The following LPAR6 variants were observed in gnomAD, a reference collection of about 807,000 sequenced individuals.
LPAR6 encodes the protein G-protein coupled purinergic receptor P2Y5.
A neutral mutation model predicts 22.0 loss-of-function variants in LPAR6; 17 were observed. That is an observed-to-expected ratio of 0.77 (90% CI 0.53 to 1.16). The LOEUF (loss-of-function observed/expected upper bound fraction) is 1.16. Ranked by LOEUF, LPAR6 falls within the 50% of genes most tolerant of loss-of-function variation. The probability of loss-of-function intolerance (pLI) is 0.00; values close to 1 mark genes in which losing one functional copy is unlikely to be tolerated. For synonymous variants in LPAR6, 136 were observed against 139.8 expected, an observed-to-expected ratio of 0.97 and a Z score of 0.19; for missense variants, 384 against 406.9, an observed-to-expected ratio of 0.94 and a Z score of 0.48.
chr13:48,421,334 A>G (rs1394747126), intron 2 of LPAR6, among the ~76,000 whole-genome samples: 2 of 152,082 alleles, frequency 1.3e-5, no homozygotes, highest in Non-Finnish European at 2.9e-5. Context: ...CTGAAACTGG[A>G]CCCCTTTCTT....
downstream of LPAR6, among the ~76,000 whole-genome samples, chr13:48,409,093 G>A (rs945376313): frequency 4.0e-5 from 6 of 151,062 alleles, no homozygotes; most frequent in Non-Finnish European, 8.9e-5. Context: ...TTTCTCTTGG[G>A]ATATAAAGGA....
In LPAR6 at chr13:48,411,436, G is replaced by A. The variant is rs200554714; in HGVS notation, c.988C>T (p.Leu330=). 9 of 1,613,166 alleles carry A rather than the reference G, an allele frequency of 5.6e-6. No individual in the cohort carries two copies. In the South Asian group the frequency reaches 9.9e-5, roughly 18 times the overall value. The change falls in exon 1 of 1, where the codon CTA becomes TTA. Residue 330 remains leucine (L), a synonymous_variant. Coordinates refer to ENST00000620633, the MANE Select transcript of LPAR6 (RefSeq NM_001162498.3). ...HGAENFIQHN[L]QTLKSKIFDN... ...AATATCTTACTTTTTAAGGTCTGTA[G>A]GTTATGCTGAATAAAATTCTCTGCA...
upstream of LPAR6, among the ~76,000 whole-genome samples, chr13:48,415,335 A>G (rs1304128738): frequency 1.4e-5 from 2 of 147,788 alleles, no homozygotes; most frequent in East Asian, 4.0e-4. Context: ...GCTGGAGTGC[A>G]GTGGTGCGAT....
intron 1 of LPAR6, among the ~76,000 whole-genome samples, chr13:48,394,868 G>A (rs995451059): frequency 6.6e-6 from 1 of 152,230 alleles, no homozygotes; most frequent in Non-Finnish European, 1.5e-5. Context: ...GAGAGCAGCA[G>A]ATCTCCCAGC....
upstream of LPAR6, among the ~76,000 whole-genome samples, chr13:48,430,114 A>G (rs1470465410): frequency 3.3e-5 from 5 of 152,124 alleles, no homozygotes; most frequent in African/African-American, 1.2e-4. Flanking sequence ...CCACACCTTC[A>G]CCCAAACCAG....
At chr13:48,421,871 G>A (rs1046030574) in intron 2 of LPAR6, among the ~76,000 whole-genome samples, 2 of 152,208 alleles carry the variant, frequency 1.3e-5, no homozygotes, top group Non-Finnish European at 2.9e-5. Context: ...GGAAACAACA[G>A]ATGCTGGAGA....
At chr13:48,394,157 A>G (rs1323036737) in intron 1 of LPAR6, among the ~76,000 whole-genome samples, 1 of 151,580 alleles carries the variant, frequency 6.6e-6, no homozygotes, top group Non-Finnish European at 1.5e-5. Context: ...GGGTTGGGGA[A>G]CTCCCTCCCC....
At chr13:48,397,648 A>C (rs1204146994) in intron 1 of LPAR6, among the ~76,000 whole-genome samples, 2 of 152,330 alleles carry the variant, frequency 1.3e-5, no homozygotes, top group African/African-American at 4.8e-5. Flanking sequence ...ATAATAAAAA[A>C]ACAGAAAATA....
upstream of LPAR6, among the ~76,000 whole-genome samples, chr13:48,415,362 C>A (rs1057412125): frequency 1.3e-5 from 2 of 151,922 alleles, no homozygotes; most frequent in South Asian, 2.1e-4. Flanking sequence ...TTACTGCAAC[C>A]TCTGCCTCCC....
chr13:48,411,511 T>C lies in LPAR6; in HGVS notation c.913A>G (p.Lys305Glu). 1 of 1,612,930 alleles carries C rather than the reference T, an allele frequency of 6.2e-7. No individual in the cohort carries two copies. The highest frequency in any genetic ancestry group is 8.5e-7 in the Non-Finnish European group (1 of 1,179,452). ...TCACTTCTCCTGACAGACCAGTTTT[T>C]CATTTTTATTGAATTCTGAATTGTG... is the stretch of plus-strand genomic sequence containing the variant. The part of the protein sequence containing the change: ...SDTIQNSIKM[K>E]NWSVRRSDFR... Residue 305 changes from lysine (K) to glutamate (E), a missense_variant, in exon 1 of 1, where the codon AAA (lysine) becomes GAA (glutamate). Physicochemically the swap from Lys to Glu is moderately conservative, Grantham distance 56. Transcript: ENST00000620633.
chr13:48,421,716 C>G (rs1566218942), intron 2 of LPAR6, among the ~76,000 whole-genome samples: 1 of 152,170 alleles, frequency 6.6e-6, no homozygotes, highest in African/African-American at 2.4e-5. Flanking sequence ...AGGATATGAA[C>G]TGACACTTCT....
chr13:48,411,606 T>C lies in LPAR6; in HGVS notation c.818A>G (p.Tyr273Cys), dbSNP rs988997527. The C allele has an allele frequency of 1.2e-6, 2 of 1,612,082 alleles. No homozygotes were observed. The highest frequency in any genetic ancestry group is 4.5e-5 in the East Asian group (2 of 44,818). Reference sequence around the variant, plus strand: ...AACAGCAATACAGAGAGTGATTGGGTACATTGTCCTTACTGCTGCCACTAC... The same window carrying C: ...AACAGCAATACAGAGAGTGATTGGGCACATTGTCCTTACTGCTGCCACTAC... ...CSVVAAVRTMYPITLCIAVSN... is the reference protein window; with the variant it reads ...CSVVAAVRTMCPITLCIAVSN... Residue 273 changes from tyrosine to cysteine, a missense_variant, in exon 1 of 1, where the codon TAC becomes TGC. Transcript: ENST00000620633.
intron 1 of LPAR6, chr13:48,439,915 A>T (rs1272179910): frequency 1.3e-5 from 2 of 152,168 alleles, no homozygotes; most frequent in Non-Finnish European, 2.9e-5. Flanking sequence ...AAATGCAGAA[A>T]TATAGTTTAT....
In LPAR6 at chr13:48,412,352, G is replaced by A; in HGVS notation, c.72C>T (p.Phe24=). The change falls in exon 1 of 1, where the codon TTC becomes TTT. Residue 24 remains phenylalanine, a synonymous_variant. Coordinates refer to ENST00000620633, the MANE Select transcript of LPAR6 (RefSeq NM_001162498.3). ...SFKYTLYGCM[F]SMVFVLGLIS... The stretch of plus-strand genomic sequence containing the variant: ...TTAACCCAAGCACAAACACCATGCT[G>A]AACATGCACCCATACAAAGTGTACT... The A allele has an allele frequency of 6.2e-7, 1 of 1,613,592 alleles. No individual in the cohort carries two copies. Among genetic ancestry groups the A allele is most frequent in the Admixed American group, 1.7e-5 (1 of 60,022 alleles).
chr13:48,405,659 C>A (rs1423813639), intron 1 of LPAR6, among the ~76,000 whole-genome samples: 4 of 152,188 alleles, frequency 2.6e-5, no homozygotes, highest in Non-Finnish European at 5.9e-5. Context: ...ACTATCTACT[C>A]CTTGAGAAGA....
At chr13:48,430,682 G>C (rs1330626072), upstream of LPAR6, among the ~76,000 whole-genome samples, 3 of 152,158 alleles carry the variant, frequency 2.0e-5, no homozygotes, top group Non-Finnish European at 4.4e-5. Context: ...GGAGGTTGCA[G>C]TGAGCCGAGA....
At chr13:48,443,809 T>G (rs1234157810) in intron 1 of LPAR6, among the ~76,000 whole-genome samples, 1 of 152,010 alleles carries the variant, frequency 6.6e-6, no homozygotes, top group Non-Finnish European at 1.5e-5. Flanking sequence ...TTATATACAT[T>G]TTTTTTTCTT....
chr13:48,432,029 C>T (rs1949135454), intron 1 of LPAR6, among the ~76,000 whole-genome samples: 1 of 152,000 alleles, frequency 6.6e-6, no homozygotes, highest in African/African-American at 2.4e-5. Context: ...AATAAATAAA[C>T]AATTATACAA....
intron 1 of LPAR6, among the ~76,000 whole-genome samples, chr13:48,391,140 G>T (rs1243207569): frequency 2.0e-5 from 3 of 151,228 alleles, no homozygotes; most frequent in South Asian, 2.1e-4. Flanking sequence ...ATTGTTTTTT[G>T]ATTTATAATA....
Sources: gnomAD v4.1 joint callset for allele counts (sites outside exome capture counted in the v4.1 genomes callset) on GRCh38, gnomAD v4.1.1 for gene constraint, MANE v1.5 for transcripts, NCBI Gene and HGNC (gene_info 2026-07-23, HGNC 2026-07-21) for gene names.